Variants in ALDH1L2 observed in about 807,000 individuals in gnomAD.
The protein encoded by ALDH1L2 is mitochondrial 10-formyltetrahydrofolate dehydrogenase.
Under a neutral mutation model 111.0 loss-of-function variants are expected in ALDH1L2, and 91 were observed. The observed-to-expected ratio is 0.82, with a 90% confidence interval of 0.69 to 0.98. The LOEUF is 0.98. Ranked by LOEUF, ALDH1L2 falls within the 50% of genes least tolerant of loss-of-function variation. The pLI, the probability that ALDH1L2 is intolerant of heterozygous loss-of-function variation, is 0.00. For synonymous variants in ALDH1L2, 374 were observed against 392.6 expected (o/e 0.95, Z 0.56); for missense variants, 995 against 1,126.8 (o/e 0.88, Z 1.67).
In ALDH1L2 at chr12:105,031,895, C is replaced by A. The variant is rs772573466; in HGVS notation, c.2284G>T (p.Asp762Tyr). 6.2e-7 allele frequency: 1 copy of A among 1,614,112 alleles called. No homozygotes were observed. Among genetic ancestry groups the A allele is most frequent in the East Asian group, 2.2e-5 (1 of 44,880 alleles). Residue 762 changes from aspartate (D) to tyrosine (Y), a missense_variant, in exon 20 of 23, where the codon GAC becomes TAC. Physicochemically the swap from Asp to Tyr is radical, Grantham distance 160 (BLOSUM62 -3). Coordinates refer to ENST00000258494, the MANE Select transcript of ALDH1L2 (RefSeq NM_001034173.4). The part of the protein sequence containing the change: ...IKKMKIGDPL[D>Y]RSTDHGPQNH... ...TGGGGCCCATGATCAGTGGATCTGT[C>A]AAGTGGATCACCAATTTTCATCTTT...
At position 105,075,613 on chromosome 12, in the gene ALDH1L2, A is replaced by G. The variant is rs1351623623; in HGVS notation, c.49-1608T>C. Among the ~76,000 whole-genome samples the G allele has an allele frequency of 2.0e-5, 3 of 152,136 alleles. No individual in the cohort carries two copies. The East Asian group carries it at 5.8e-4, about 29-fold the overall frequency. On this transcript the variant is annotated intron_variant, in intron 1 of 22. Transcript: ENST00000258494. Reference sequence around the variant, plus strand: ...CCCCGCCCCCGCAAAAAAAGAAACCATGTCAGTATCTTTGGAAACACTACA... The same window carrying G: ...CCCCGCCCCCGCAAAAAAAGAAACCGTGTCAGTATCTTTGGAAACACTACA...
At chr12:105,031,189 A>C (rs1874677710) in intron 20 of ALDH1L2, among the ~76,000 whole-genome samples, 1 of 152,192 alleles carries the variant, frequency 6.6e-6, no homozygotes, top group African/African-American at 2.4e-5. Flanking sequence ...ACCATCTTTA[A>C]GTGTACAGCT....
chr12:105,058,100 ATCT>A lies in ALDH1L2; in HGVS notation c.1257_1259del (p.Glu419del), dbSNP rs1472244308. The A allele has an allele frequency of 6.2e-7, 1 of 1,613,302 alleles. No homozygotes were observed. The highest frequency in any genetic ancestry group is 1.1e-5 in the South Asian group (1 of 90,840). On this transcript the variant is annotated inframe_deletion, in exon 10 of 23. Coordinates refer to ENST00000258494, the MANE Select transcript of ALDH1L2 (RefSeq NM_001034173.4). ...AATCTACAACCAGCTCCACCTCTTG[ATCT>A]TCTCCTCTCAGTTTCCTCACGACCT...
intron 6 of ALDH1L2, among the ~76,000 whole-genome samples, chr12:105,064,787 G>T (rs907419118): frequency 6.6e-6 from 1 of 152,142 alleles, no homozygotes; most frequent in Non-Finnish European, 1.5e-5. Flanking sequence ...TTCAGGCCCT[G>T]CCCGCCTCTC....
intron 7 of ALDH1L2, 113 bp downstream of exon 7, chr12:105,062,775 T>G (rs1877077383): frequency 7.3e-7 from 1 of 1,376,538 alleles, no homozygotes. Flanking sequence ...ATCAGGGCAC[T>G]CAGAGCCAGC....
At chr12:105,064,078 G>C (rs897051539) in intron 6 of ALDH1L2, among the ~76,000 whole-genome samples, 8 of 120,632 alleles carry the variant, frequency 6.6e-5, no homozygotes, top group Admixed American at 3.8e-4. Flanking sequence ...AGCCTCCCAA[G>C]TAGCTGGGAT....
At chr12:105,025,185 GGGCT>G (rs1305021526) in intron 22 of ALDH1L2, among the ~76,000 whole-genome samples, 10 of 152,262 alleles carry the variant, frequency 6.6e-5, no homozygotes, top group Non-Finnish European at 1.2e-4. Flanking sequence ...GCTAAAACAA[GGGCT>G]GTCAACTTTG....
chr12:105,042,744 T>C (rs989220395), intron 15 of ALDH1L2, among the ~76,000 whole-genome samples: 3 of 152,220 alleles, frequency 2.0e-5, no homozygotes, highest in African/African-American at 7.2e-5. Flanking sequence ...CTAGTTTATC[T>C]TTCCTGTTTC....
chr12:105,020,633 T>G lies in ALDH1L2; in HGVS notation c.*3791A>C, dbSNP rs1874114690. 6.6e-6 allele frequency: 1 copy of G among 152,126 alleles called. No individual in the cohort carries two copies. 9.4% of individuals were successfully genotyped at this position (152,126 alleles called of 1,614,324 possible). A position where few individuals can be genotyped will look rare whatever the true frequency, so the allele number is the denominator to read the frequency against. On this transcript the variant is annotated 3_prime_UTR_variant, in exon 23 of 23. Coordinates refer to ENST00000258494, the MANE Select transcript of ALDH1L2 (RefSeq NM_001034173.4). ...GAAAATAATGCACTTATAAAAAGAA[T>G]AAAGAATGACAGCAGATGGGGTATG...
chr12:105,024,109 C>T lies in ALDH1L2; in HGVS notation c.*315G>A, dbSNP rs1874292049. The T allele has an allele frequency of 2.4e-6, 1 of 414,712 alleles. No homozygotes were observed. The highest frequency in any genetic ancestry group is 4.3e-6 in the Non-Finnish European group (1 of 230,042). The allele number at this position is 414,712 out of a possible 1,614,324, so 25.7% of individuals were successfully genotyped here. A position where few individuals can be genotyped will look rare whatever the true frequency, so the allele number is the denominator to read the frequency against. On this transcript the variant is annotated 3_prime_UTR_variant, in exon 23 of 23. Transcript: ENST00000258494. ...AAATGCACCTTGTGTATTATAACTGCATGGTACTGACATCTTCAAGATGGG... is the reference window on the plus strand; with the variant it reads ...AAATGCACCTTGTGTATTATAACTGTATGGTACTGACATCTTCAAGATGGG...
intron 15 of ALDH1L2, among the ~76,000 whole-genome samples, chr12:105,046,221 ATTTTTTTTTTTT>A (rs869078154): frequency 2.3e-3 from 49 of 21,770 alleles, no homozygotes; most frequent in African/African-American, 9.0e-3. Context: ...ATATATATAT[ATTTTTTTTTTTT>A]TTTTTTTTTT....
rs1874216334 is a variant in ALDH1L2, at chr12:105,022,638, T to C, written c.*1786A>G. On this transcript the variant is annotated 3_prime_UTR_variant, in exon 23 of 23. Coordinates refer to ENST00000258494, the MANE Select transcript of ALDH1L2 (RefSeq NM_001034173.4). ...ATATGAACTGTCATTTTGGGCCCAG[T>C]GAATATTCATTCCAACTTAAAATTT... The C allele has an allele frequency of 6.6e-6, 1 of 152,212 alleles. No individual in the cohort carries two copies. The highest frequency in any genetic ancestry group is 6.5e-5 in the Admixed American group (1 of 15,282). 9.4% of individuals were successfully genotyped at this position (152,212 alleles called of 1,614,324 possible).
At chr12:105,073,701 AT>A in intron 2 of ALDH1L2, 159 bp downstream of exon 2, 1 of 1,012,462 alleles carries the variant, frequency 9.9e-7, no homozygotes, top group Non-Finnish European at 1.4e-6. Flanking sequence ...TATGCCCTTA[AT>A]AAAAAGCTTT....
At chr12:105,059,561 T>A (rs1026095603) in intron 9 of ALDH1L2, among the ~76,000 whole-genome samples, 1 of 152,182 alleles carries the variant, frequency 6.6e-6, no homozygotes, top group African/African-American at 2.4e-5. Context: ...AACTCATGAA[T>A]CACAGCTGAG....
intron 10 of ALDH1L2, among the ~76,000 whole-genome samples, chr12:105,053,642 T>C (rs1255373917): frequency 3.3e-5 from 5 of 152,212 alleles, no homozygotes; most frequent in African/African-American, 7.2e-5. Flanking sequence ...GAAGGTCTCT[T>C]GCCTTTTCCC....
intron 12 of ALDH1L2, 151 bp from the exon 13 acceptor site, chr12:105,050,209 AG>A (rs1265387909): frequency 4.8e-6 from 3 of 628,044 alleles, no homozygotes; most frequent in African/African-American, 1.9e-5. Flanking sequence ...TAGGCAAGAA[AG>A]ACATTAAACA....
At chr12:105,078,617 G>T (rs1251248055) in intron 1 of ALDH1L2, among the ~76,000 whole-genome samples, 3 of 152,158 alleles carry the variant, frequency 2.0e-5, no homozygotes, top group African/African-American at 7.2e-5. Context: ...TACCTGTTTG[G>T]CCTCTGTGGG....
chr12:105,024,267 T>C lies in ALDH1L2; in HGVS notation c.*157A>G, dbSNP rs1398573441. The C allele has an allele frequency of 1.4e-6, 1 of 714,612 alleles. No individual in the cohort carries two copies. 44.3% of individuals were successfully genotyped at this position (714,612 alleles called of 1,614,324 possible). The stretch of plus-strand genomic sequence containing the variant: ...GTATTAGAAAATACTCAGGCACATG[T>C]GTAAATGCTTTAACATGGCCTGGCC... On this transcript the variant is annotated 3_prime_UTR_variant, in exon 23 of 23. Coordinates refer to ENST00000258494, the MANE Select transcript of ALDH1L2 (RefSeq NM_001034173.4).
At chr12:105,048,350 C>T (rs2136071882) in intron 13 of ALDH1L2, 1 of 152,316 alleles carries the variant, frequency 6.6e-6, no homozygotes, top group Admixed American at 6.5e-5. Flanking sequence ...TGTACATTAA[C>T]ATTGGTGGCA....
Sources: allele counts gnomAD v4.1 joint callset (sites outside exome capture counted in the v4.1 genomes callset), GRCh38; gene constraint gnomAD v4.1.1; transcripts MANE v1.5; gene names NCBI Gene and HGNC (gene_info 2026-07-23, HGNC 2026-07-21).